Variants in DPYD observed in about 807,000 individuals in gnomAD.
DPYD encodes dihydropyrimidine dehydrogenase [NADP(+)].
A neutral mutation model predicts 116.2 loss-of-function variants in DPYD; 109 were observed. The ratio of observed to expected loss-of-function variants is 0.94; its 90% CI spans 0.80 to 1.10. The LOEUF (loss-of-function observed/expected upper bound fraction) is 1.10, where lower values mean the gene tolerates loss of function less well. DPYD is among the 50% of genes least tolerant of loss of function. The pLI is 0.00. For missense variants in DPYD, 1,302 were observed against 1,254.5 expected (o/e 1.04, Z -0.57); for synonymous variants, 440 against 432.0 (o/e 1.02, Z -0.23).
intron 14 of DPYD, among the ~76,000 whole-genome samples, chr1:97,398,645 GT>G (rs1307689402): frequency 6.6e-6 from 1 of 152,118 alleles, no homozygotes; most frequent in African/African-American, 2.4e-5. Flanking sequence ...ATTCTAACTG[GT>G]GTGAGATGGT....
intron 3 of DPYD, among the ~76,000 whole-genome samples, chr1:97,789,789 C>A (rs890287390): frequency 1.3e-5 from 2 of 152,162 alleles, no homozygotes; most frequent in African/African-American, 2.4e-5. Context: ...TCCGTGTCCA[C>A]AAATCACTCA....
intron 16 of DPYD, among the ~76,000 whole-genome samples, chr1:97,335,928 G>T (rs1329089319): frequency 1.3e-5 from 2 of 152,064 alleles, no homozygotes; most frequent in Non-Finnish European, 2.9e-5. Context: ...TGACTCTCAT[G>T]GGCATTTTCC....
chr1:97,460,691 C>T (rs1376860246), intron 13 of DPYD, among the ~76,000 whole-genome samples: 1 of 152,110 alleles, frequency 6.6e-6, no homozygotes, highest in African/African-American at 2.4e-5. Context: ...ATGTCATTGT[C>T]CTGAACTCCT....
intron 7 of DPYD, among the ~76,000 whole-genome samples, chr1:97,680,296 G>A (rs890561370): frequency 6.6e-6 from 1 of 152,144 alleles, no homozygotes; most frequent in African/African-American, 2.4e-5. Flanking sequence ...TATCCTGGGT[G>A]CAATGGGATG....
intron 18 of DPYD, among the ~76,000 whole-genome samples, chr1:97,272,594 A>T (rs2100898465): frequency 6.6e-6 from 1 of 152,236 alleles, no homozygotes; most frequent in African/African-American, 2.4e-5. Flanking sequence ...CAATCATAAA[A>T]CTTTCCATGG....
chr1:97,905,278 T>C (rs1298524112), intron 1 of DPYD, among the ~76,000 whole-genome samples: 1 of 152,100 alleles, frequency 6.6e-6, no homozygotes, highest in East Asian at 1.9e-4. Flanking sequence ...TAGACTAATA[T>C]AAAATTAACC....
At chr1:97,847,388 A>G (rs572765858) in intron 2 of DPYD, among the ~76,000 whole-genome samples, 4 of 152,354 alleles carry the variant, frequency 2.6e-5, no homozygotes, top group African/African-American at 7.2e-5. Context: ...TATGTCTTCA[A>G]CATACCTATG....
At chr1:97,257,697 C>G (rs1028501881) in intron 18 of DPYD, among the ~76,000 whole-genome samples, 2 of 151,700 alleles carry the variant, frequency 1.3e-5, no homozygotes, top group South Asian at 2.1e-4. Context: ...CAAATTTAAA[C>G]TAGACATTAA....
At chr1:97,617,921 C>G (rs1397098210) in intron 8 of DPYD, among the ~76,000 whole-genome samples, 2 of 152,206 alleles carry the variant, frequency 1.3e-5, no homozygotes, top group Non-Finnish European at 2.9e-5. Context: ...GAAAAAGTCT[C>G]AAGCTGCCTT....
chr1:97,443,420 C>T (rs1029802519), intron 14 of DPYD, among the ~76,000 whole-genome samples: 13 of 152,116 alleles, frequency 8.5e-5, no homozygotes, highest in Non-Finnish European at 4.4e-5. Context: ...AAAAACTGAA[C>T]GGTTTCCTGG....
intron 1 of DPYD, among the ~76,000 whole-genome samples, chr1:97,920,440 T>C (rs1394552259): frequency 6.6e-6 from 1 of 152,148 alleles, no homozygotes; most frequent in African/African-American, 2.4e-5. Context: ...TGCTTCACCT[T>C]TGCAAATAGC....
At chr1:97,471,111 T>C (rs983465177) in intron 13 of DPYD, among the ~76,000 whole-genome samples, 1 of 152,202 alleles carries the variant, frequency 6.6e-6, no homozygotes, top group South Asian at 2.1e-4. Context: ...GTCTAGGCCA[T>C]ACATCTTTTC....
At chr1:97,542,256 A>T (rs1446957129) in intron 12 of DPYD, among the ~76,000 whole-genome samples, 2 of 152,154 alleles carry the variant, frequency 1.3e-5, no homozygotes, top group Non-Finnish European at 2.9e-5. Context: ...TTGGTGAAAT[A>T]AAAAGGAGTT....
At chr1:97,474,967 A>T (rs943617089) in intron 13 of DPYD, among the ~76,000 whole-genome samples, 26 of 152,112 alleles carry the variant, frequency 1.7e-4, no homozygotes, top group African/African-American at 5.8e-4. Context: ...AAGAAAATGT[A>T]AAAAGAAGAA....
chr1:97,255,577 G>A (rs1447192346), intron 18 of DPYD, among the ~76,000 whole-genome samples: 2 of 152,078 alleles, frequency 1.3e-5, no homozygotes, highest in East Asian at 3.9e-4. Context: ...TGATTGTGAG[G>A]CTTCCCCAGC....
chr1:97,700,793 A>G (rs1661556129), intron 5 of DPYD, among the ~76,000 whole-genome samples: 1 of 152,168 alleles, frequency 6.6e-6, no homozygotes, highest in South Asian at 2.1e-4. Flanking sequence ...AAAAATATGT[A>G]AGAAGAATGT....
intron 11 of DPYD, among the ~76,000 whole-genome samples, chr1:97,562,936 C>T (rs1652263179): frequency 6.6e-6 from 1 of 152,072 alleles, no homozygotes; most frequent in Non-Finnish European, 1.5e-5. Context: ...GCCAGCTGGT[C>T]TCAAACTCCT....
At chr1:97,359,081 T>C (rs973957803) in intron 16 of DPYD, among the ~76,000 whole-genome samples, 7 of 151,986 alleles carry the variant, frequency 4.6e-5, no homozygotes, top group African/African-American at 1.2e-4. Flanking sequence ...ATGAGATGAA[T>C]GGCCACCTAG....
At chr1:97,499,729 TA>T (rs1229804356) in intron 13 of DPYD, among the ~76,000 whole-genome samples, 1 of 151,992 alleles carries the variant, frequency 6.6e-6, no homozygotes, top group Non-Finnish European at 1.5e-5. Flanking sequence ...TAATTTAATT[TA>T]GGCCTTCTTA....
Sources: gnomAD v4.1 joint callset for allele counts (sites outside exome capture counted in the v4.1 genomes callset) on GRCh38, gnomAD v4.1.1 for gene constraint, MANE v1.5 for transcripts, NCBI Gene and HGNC (gene_info 2026-07-23, HGNC 2026-07-21) for gene names.